The following ASTN2 variants were observed in gnomAD, a reference collection of about 807,000 sequenced individuals.
The protein encoded by ASTN2 is astrotactin 2, also known as astrotactin-2.
A neutral mutation model predicts 139.8 loss-of-function variants in ASTN2; 54 were observed. The ratio of observed to expected loss-of-function variants is 0.39; its 90% confidence interval spans 0.31 to 0.48. ASTN2 has a LOEUF of 0.48. ASTN2 is among the 20% of genes least tolerant of loss of function. ASTN2 has a pLI of 0.95. For synonymous variants in ASTN2, 756 were observed against 719.5 expected (o/e 1.05, Z -0.81); for missense variants, 1,565 against 1,725.1 (o/e 0.91, Z 1.64).
intron 3 of ASTN2, among the ~76,000 whole-genome samples, chr9:117,201,217 G>T (rs1831706193): frequency 6.6e-6 from 1 of 151,984 alleles, no homozygotes; most frequent in African/African-American, 2.4e-5. Flanking sequence ...GGTCAGTGGT[G>T]ATATCCTCTT....
At chr9:116,441,466 G>T (rs1244353925) in intron 21 of ASTN2, among the ~76,000 whole-genome samples, 1 of 151,512 alleles carries the variant, frequency 6.6e-6, no homozygotes, top group Non-Finnish European at 1.5e-5. Flanking sequence ...GGAACACTAT[G>T]CTCCTCCCAT....
At chr9:116,604,386 A>G (rs1855077715) in intron 19 of ASTN2, among the ~76,000 whole-genome samples, 3 of 152,144 alleles carry the variant, frequency 2.0e-5, no homozygotes, top group Non-Finnish European at 4.4e-5. Context: ...TGAGCCCCTA[A>G]TATCAGTTCC....
At chr9:117,228,916 G>T (rs1409280475) in intron 2 of ASTN2, among the ~76,000 whole-genome samples, 1 of 152,048 alleles carries the variant, frequency 6.6e-6, no homozygotes, top group Non-Finnish European at 1.5e-5. Context: ...GAGGCAGGAG[G>T]ATCCTTGAAC....
At chr9:116,852,878 T>TACACACACACACACACACACACACAC (rs3040211) in intron 11 of ASTN2, among the ~76,000 whole-genome samples, 1 of 134,270 alleles carries the variant, frequency 7.4e-6, no homozygotes, top group African/African-American at 2.9e-5. Context: ...AAGGGGAAAA[T>TACACACACACACACACACACACACAC]ACACACACAC....
At chr9:116,983,651 G>C (rs12335930) in intron 7 of ASTN2, among the ~76,000 whole-genome samples, 2 of 152,304 alleles carry the variant, frequency 1.3e-5, no homozygotes, top group Admixed American at 6.5e-5. Context: ...TGTGGGAAGA[G>C]TAAATTTTCT....
chr9:117,343,028 C>G (rs534669068), intron 1 of ASTN2, among the ~76,000 whole-genome samples: 1 of 152,198 alleles, frequency 6.6e-6, no homozygotes, highest in African/African-American at 2.4e-5. Flanking sequence ...TAGTTCCCCC[C>G]TCACTGCATC....
intron 5 of ASTN2, among the ~76,000 whole-genome samples, chr9:117,082,453 C>T (rs1828453046): frequency 2.0e-5 from 3 of 152,172 alleles, no homozygotes. Context: ...AACTAGTCTC[C>T]CTACCTTCAG....
At chr9:116,853,678 G>A (rs963068650) in intron 11 of ASTN2, among the ~76,000 whole-genome samples, 2 of 152,096 alleles carry the variant, frequency 1.3e-5, no homozygotes, top group Non-Finnish European at 2.9e-5. Flanking sequence ...ACCCTAGCCC[G>A]CCCTTGGGCT....
intron 3 of ASTN2, among the ~76,000 whole-genome samples, chr9:117,213,840 G>A (rs531868338): frequency 6.6e-6 from 1 of 152,290 alleles, no homozygotes; most frequent in Admixed American, 6.5e-5. Flanking sequence ...TGCTTTATAT[G>A]AGACTATTTA....
intron 5 of ASTN2, among the ~76,000 whole-genome samples, chr9:117,046,416 G>T (rs537023082): frequency 6.6e-6 from 1 of 152,258 alleles, no homozygotes; most frequent in South Asian, 2.1e-4. Context: ...TCTAAAAAAG[G>T]GTAGTGATAA....
At chr9:117,119,105 G>T (rs1047204769) in intron 4 of ASTN2, among the ~76,000 whole-genome samples, 2 of 152,148 alleles carry the variant, frequency 1.3e-5, no homozygotes, top group African/African-American at 4.8e-5. Context: ...ATAAATACTT[G>T]TTGAATGAAT....
At chr9:116,487,242 A>G (rs563196143) in intron 20 of ASTN2, 117 bp downstream of exon 20, 2 of 1,305,344 alleles carry the variant, frequency 1.5e-6, no homozygotes, top group East Asian at 2.4e-5. Flanking sequence ...CAAGTTGCAC[A>G]TACAGGCTAG....
intron 19 of ASTN2, among the ~76,000 whole-genome samples, chr9:116,528,799 A>G (rs1484425334): frequency 6.6e-6 from 1 of 152,120 alleles, no homozygotes; most frequent in Non-Finnish European, 1.5e-5. Flanking sequence ...GCCAAGGTAT[A>G]GCTTAGGCTG....
chr9:117,156,880 T>C (rs1263857610), intron 3 of ASTN2, among the ~76,000 whole-genome samples: 3 of 152,006 alleles, frequency 2.0e-5, no homozygotes, highest in Non-Finnish European at 4.4e-5. Flanking sequence ...TAATTTGAAA[T>C]GTCTTCTCCT....
intron 5 of ASTN2, among the ~76,000 whole-genome samples, chr9:117,085,336 C>T (rs1172490035): frequency 6.6e-6 from 1 of 152,182 alleles, no homozygotes; most frequent in Non-Finnish European, 1.5e-5. Flanking sequence ...ACAATGGGCT[C>T]TCCCAGCAAG....
At chr9:116,504,012 G>A (rs1850000512) in intron 19 of ASTN2, among the ~76,000 whole-genome samples, 2 of 152,146 alleles carry the variant, frequency 1.3e-5, no homozygotes, top group Admixed American at 1.3e-4. Flanking sequence ...GGACCTGCAA[G>A]GACCCAAAAC....
chr9:116,810,065 C>T (rs1020784252), intron 12 of ASTN2, among the ~76,000 whole-genome samples: 2 of 152,116 alleles, frequency 1.3e-5, no homozygotes, highest in Non-Finnish European at 2.9e-5. Flanking sequence ...TACAATAGAC[C>T]GTGCACAAAT....
At chr9:116,559,205 C>G (rs1852786605) in intron 19 of ASTN2, among the ~76,000 whole-genome samples, 1 of 152,182 alleles carries the variant, frequency 6.6e-6, no homozygotes, top group African/African-American at 2.4e-5. Context: ...CTTGGAAACT[C>G]CACTCTGGGG....
In ASTN2 at chr9:116,999,548, C is replaced by CTTT. The variant is rs71379248; in HGVS notation, c.1591+8541_1591+8543dup. ...TTCCTCTTTCTTTCTTTCTCTCTTTCTTTTTTTTTTTTTTTTTTTTTTTTT... is the reference window on the plus strand; with the variant it reads ...TTCCTCTTTCTTTCTTTCTCTCTTTCTTTTTTTTTTTTTTTTTTTTTTTTTTTT... On this transcript the variant is annotated intron_variant, in intron 7 of 22. Transcript: ENST00000313400. Among the ~76,000 whole-genome samples the CTTT allele has an allele frequency of 1.7e-3, 162 of 94,882 alleles. 10 individuals carry two copies. The highest frequency in any genetic ancestry group is 3.3e-3 in the African/African-American group (67 of 20,346). 62.2% of individuals were successfully genotyped at this position (94,882 alleles called of 152,430 possible).
Sources: allele counts gnomAD v4.1 joint callset (sites outside exome capture counted in the v4.1 genomes callset), GRCh38; gene constraint gnomAD v4.1.1; transcripts MANE v1.5; gene names NCBI Gene and HGNC (gene_info 2026-07-23, HGNC 2026-07-21).